FER: variants seen among roughly 807,000 people sequenced by gnomAD.
The protein encoded by FER is FER tyrosine kinase, also known as tyrosine-protein kinase Fer.
Under a neutral mutation model 111.0 loss-of-function variants are expected in FER, and 63 were observed. The observed-to-expected ratio is 0.57, with a 90% confidence interval of 0.46 to 0.70. The LOEUF is 0.70. FER is among the 30% of genes least tolerant of loss of function. The pLI is 0.00. For synonymous variants in FER, 327 were observed against 313.9 expected (o/e 1.04, Z -0.44); for missense variants, 914 against 954.0 (o/e 0.96, Z 0.55).
At chr5:108,809,089 C>T (rs1757485529) in intron 3 of FER, among the ~76,000 whole-genome samples, 1 of 152,162 alleles carries the variant, frequency 6.6e-6, no homozygotes. Context: ...CTTTGTATAG[C>T]ATCTCACAGG....
At chr5:108,975,015 A>G (rs1033242117) in intron 13 of FER, among the ~76,000 whole-genome samples, 3 of 152,212 alleles carry the variant, frequency 2.0e-5, no homozygotes, top group South Asian at 2.1e-4. Context: ...ATGCTCATCA[A>G]TGATAGACTG....
At chr5:108,818,513 A>G (rs1758508013) in intron 3 of FER, among the ~76,000 whole-genome samples, 1 of 152,142 alleles carries the variant, frequency 6.6e-6, no homozygotes, top group Non-Finnish European at 1.5e-5. Context: ...TTTTAATAAT[A>G]TTAATATTAA....
chr5:108,823,368 C>T (rs558935098), intron 3 of FER, among the ~76,000 whole-genome samples: 77 of 152,338 alleles, frequency 5.1e-4, no homozygotes, highest in African/African-American at 1.8e-3. Flanking sequence ...ATATGTTTTA[C>T]ATAATGGGTG....
intron 8 of FER, among the ~76,000 whole-genome samples, chr5:108,873,336 G>T (rs374321082): frequency 6.6e-6 from 1 of 151,914 alleles, no homozygotes; most frequent in South Asian, 2.1e-4. Context: ...GTAGAGATGG[G>T]GTTTTGCCCT....
intron 8 of FER, among the ~76,000 whole-genome samples, chr5:108,873,492 C>T (rs912623139): frequency 2.0e-5 from 3 of 152,154 alleles, no homozygotes; most frequent in African/African-American, 7.2e-5. Flanking sequence ...AAGAAACTAA[C>T]AAATATTTGT....
At chr5:108,801,058 T>C (rs1316380803) in intron 3 of FER, among the ~76,000 whole-genome samples, 1 of 152,114 alleles carries the variant, frequency 6.6e-6, no homozygotes, top group Non-Finnish European at 1.5e-5. Flanking sequence ...CAAAAAAAAA[T>C]CTTTGCCTGA....
At chr5:109,097,708 G>A (rs1747714226) in intron 16 of FER, among the ~76,000 whole-genome samples, 1 of 151,860 alleles carries the variant, frequency 6.6e-6, no homozygotes, top group African/African-American at 2.4e-5. Context: ...GTGGCTAAGG[G>A]AATATCTCTG....
At chr5:109,051,653 C>T in intron 16 of FER, 2 of 1,576,794 alleles carry the variant, frequency 1.3e-6, no homozygotes, top group South Asian at 1.1e-5. Context: ...GAGGAGCAGC[C>T]ATTGAAATAA....
At chr5:108,902,394 G>A (rs551349397) in intron 10 of FER, among the ~76,000 whole-genome samples, 1 of 152,264 alleles carries the variant, frequency 6.6e-6, no homozygotes, top group East Asian at 1.9e-4. Flanking sequence ...TATTTTCTCT[G>A]TGTATTTCCC....
At chr5:108,942,904 T>C (rs1222161955) in intron 10 of FER, among the ~76,000 whole-genome samples, 2 of 152,134 alleles carry the variant, frequency 1.3e-5, no homozygotes, top group East Asian at 3.9e-4. Flanking sequence ...GCATGAATAT[T>C]ATATTTTTCT....
At chr5:109,099,949 A>G (rs934850040) in intron 16 of FER, among the ~76,000 whole-genome samples, 1 of 151,702 alleles carries the variant, frequency 6.6e-6, no homozygotes, top group Non-Finnish European at 1.5e-5. Flanking sequence ...CAATCACTGA[A>G]TCTAATAGCT....
At chr5:109,115,565 TA>T (rs1199078641) in intron 17 of FER, among the ~76,000 whole-genome samples, 1 of 152,186 alleles carries the variant, frequency 6.6e-6, no homozygotes, top group Non-Finnish European at 1.5e-5. Flanking sequence ...TTATTCAACC[TA>T]AAATTATGTA....
At chr5:108,914,407 A>T (rs1751982048) in intron 10 of FER, among the ~76,000 whole-genome samples, 1 of 152,058 alleles carries the variant, frequency 6.6e-6, no homozygotes. Context: ...TCTTCTATGG[A>T]CTATGTACCT....
chr5:109,144,629 T>C (rs1753879887), intron 17 of FER, among the ~76,000 whole-genome samples: 2 of 152,120 alleles, frequency 1.3e-5, no homozygotes, highest in African/African-American at 4.8e-5. Context: ...TTTGGTTTGA[T>C]TTTCCTACAC....
At chr5:108,833,885 A>G (rs1008062354) in intron 4 of FER, among the ~76,000 whole-genome samples, 8 of 152,178 alleles carry the variant, frequency 5.3e-5, no homozygotes, top group Non-Finnish European at 8.8e-5. Context: ...AAAAAAAAAA[A>G]AAAATGTAAC....
chr5:109,128,832 A>G (rs1188177035), intron 17 of FER, among the ~76,000 whole-genome samples: 1 of 152,124 alleles, frequency 6.6e-6, no homozygotes, highest in Non-Finnish European at 1.5e-5. Flanking sequence ...AATGATTCTA[A>G]AGTGTGTCTG....
intron 17 of FER, among the ~76,000 whole-genome samples, chr5:109,175,003 G>A (rs1429676402): frequency 2.8e-5 from 4 of 142,086 alleles, no homozygotes; most frequent in Non-Finnish European, 6.1e-5. Context: ...CATAAGTACA[G>A]TAATTTCTGA....
chr5:109,108,546 C>T (rs1437063017), intron 17 of FER, among the ~76,000 whole-genome samples: 1 of 152,072 alleles, frequency 6.6e-6, no homozygotes, highest in Non-Finnish European at 1.5e-5. Context: ...GCCAGTTGGT[C>T]CATTCAGTCT....
rs562135057 is a variant in FER at position 109,063,002 on chromosome 5, T to C, written c.1924+15804T>C. Among the ~76,000 whole-genome samples the C allele has an allele frequency of 3.9e-3, 593 of 152,336 alleles. 4 individuals are homozygous for C. The highest frequency in any genetic ancestry group is 0.014 in the African/African-American group (566 of 41,580). On this transcript the variant is annotated intron_variant, in intron 16 of 19. Coordinates refer to ENST00000281092, the MANE Select transcript of FER (RefSeq NM_005246.4). ...ACATTGTCAGAATTTATCTCACCTC[T>C]GTAACATGACATTTTATTTATGGTT...
Sources: gnomAD v4.1 joint callset for allele counts (sites outside exome capture counted in the v4.1 genomes callset) on GRCh38, gnomAD v4.1.1 for gene constraint, MANE v1.5 for transcripts, NCBI Gene and HGNC (gene_info 2026-07-23, HGNC 2026-07-21) for gene names.